Variants in FBXO28 observed in about 807,000 individuals in gnomAD.
FBXO28 encodes the protein F-box only protein 28.
FBXO28 carries 8 observed loss-of-function variants against 38.1 expected under a neutral mutation model. The ratio of observed to expected loss-of-function variants is 0.21; its 90% CI spans 0.12 to 0.38. The LOEUF is 0.38. Among genes scored for constraint, FBXO28 ranks in the 10% least tolerant of loss-of-function variants. The pLI, the probability that FBXO28 is intolerant of heterozygous loss-of-function variation, is 1.00. For synonymous variants in FBXO28, 168 were observed against 173.8 expected (o/e 0.97, Z 0.26); for missense variants, 345 against 460.6 (o/e 0.75, Z 2.30).
At chr1:224,134,504 T>C (rs1657130059) in intron 3 of FBXO28, 1 of 234,866 alleles carries the variant, frequency 4.3e-6, no homozygotes, top group East Asian at 1.1e-4. Flanking sequence ...ATGCCAGAGA[T>C]ACAGCAATGA....
In FBXO28 at chr1:224,120,701, G is replaced by A. The variant is rs954792621; in HGVS notation, c.267+6305G>A. Among the ~76,000 whole-genome samples the A allele has an allele frequency of 2.6e-5, 4 of 151,904 alleles. No individual in the cohort carries two copies. In the South Asian group the frequency reaches 8.3e-4, roughly 32 times the overall value. On this transcript the variant is annotated intron_variant, in intron 1 of 4. Transcript: ENST00000366862. ...AACATGGTGAAACCCCGTCTATACC[G>A]AAAATACAAAAATTAGCTGGGCATG...
intron 1 of FBXO28, among the ~76,000 whole-genome samples, chr1:224,129,590 A>T (rs1301936874): frequency 6.6e-6 from 1 of 152,228 alleles, no homozygotes. Context: ...ATAGTCTGTG[A>T]CCATAATAAT....
rs538712279 is a variant in FBXO28, at chr1:224,116,392, A to T, written c.267+1996A>T. Among the ~76,000 whole-genome samples the T allele has an allele frequency of 1.3e-4, 20 of 152,280 alleles. 1 individual carries two copies. The highest frequency in any genetic ancestry group is 1.2e-3 in the South Asian group (6 of 4,828). ...AAGAGAGTACCTAGGTGAGCTGTAC[A>T]TGCCTTCTTAAGTAGCCATTTATAC... On this transcript the variant is annotated intron_variant, in intron 1 of 4. Coordinates refer to ENST00000366862, the MANE Select transcript of FBXO28 (RefSeq NM_015176.4).
chr1:224,139,963 C>T (rs1243116178), intron 3 of FBXO28, among the ~76,000 whole-genome samples: 1 of 152,100 alleles, frequency 6.6e-6, no homozygotes, highest in African/African-American at 2.4e-5. Context: ...TGGTGGCATG[C>T]ACCTGTAGCC....
chr1:224,133,358 A>G (rs903411942), intron 2 of FBXO28, among the ~76,000 whole-genome samples: 15 of 152,162 alleles, frequency 9.9e-5, no homozygotes, highest in African/African-American at 3.6e-4. Context: ...TAATTTTATT[A>G]TGTCTGAGTT....
intron 1 of FBXO28, among the ~76,000 whole-genome samples, chr1:224,127,923 T>C (rs1656943871): frequency 6.6e-6 from 1 of 152,130 alleles, no homozygotes; most frequent in Non-Finnish European, 1.5e-5. Context: ...CAAACAAACA[T>C]TATTTATTAG....
At chr1:224,114,471 C>A in intron 1 of FBXO28, 75 bp downstream of exon 1, 1 of 1,298,704 alleles carries the variant, frequency 7.7e-7, no homozygotes, top group East Asian at 2.7e-5. Context: ...AGCGCGTTCC[C>A]CGGGAAGGGA....
At chr1:224,134,476 G>T in intron 3 of FBXO28, 1 of 259,226 alleles carries the variant, frequency 3.9e-6, no homozygotes, top group Non-Finnish European at 7.3e-6. Flanking sequence ...AAAATTTGAG[G>T]TTTTACTGGT....
At chr1:224,147,180 T>A (rs1180729438) in intron 3 of FBXO28, among the ~76,000 whole-genome samples, 1 of 151,642 alleles carries the variant, frequency 6.6e-6, no homozygotes, top group Non-Finnish European at 1.5e-5. Context: ...ATCCCAGCAC[T>A]TTGGCAGGCC....
chr1:224,156,111 T>C (rs1344558230), intron 4 of FBXO28, among the ~76,000 whole-genome samples: 1 of 152,192 alleles, frequency 6.6e-6, no homozygotes, highest in East Asian at 1.9e-4. Flanking sequence ...AATACAGTTA[T>C]TTAGATGTGC....
chr1:224,143,218 C>CAA (rs1161345004), intron 3 of FBXO28, among the ~76,000 whole-genome samples: 9 of 63,336 alleles, frequency 1.4e-4, no homozygotes, highest in East Asian at 9.9e-4. Context: ...GACTCTGTCT[C>CAA]AAAAAAAAAA....
chr1:224,151,069 A>T (rs1657630743), intron 3 of FBXO28, among the ~76,000 whole-genome samples: 2 of 152,176 alleles, frequency 1.3e-5, no homozygotes, highest in Non-Finnish European at 2.9e-5. Flanking sequence ...CTAACATAGT[A>T]GTTCAGTAAG....
intron 1 of FBXO28, among the ~76,000 whole-genome samples, chr1:224,117,018 C>T (rs754961562): frequency 1.3e-4 from 19 of 151,878 alleles, no homozygotes; most frequent in South Asian, 4.2e-4. Context: ...TATAAAAATA[C>T]AAAAATTAGC....
intron 1 of FBXO28, among the ~76,000 whole-genome samples, chr1:224,125,215 A>G (rs767312947): frequency 7.2e-5 from 11 of 151,988 alleles, no homozygotes; most frequent in East Asian, 1.9e-4. Flanking sequence ...CCTGGGCCCA[A>G]GTGATCCTCC....
At position 224,158,826 on chromosome 1, in the gene FBXO28, A is replaced by G. The variant is rs1657830356; in HGVS notation, c.*1080A>G. The stretch of plus-strand genomic sequence containing the variant: ...ATTGCAGCAAAGTTCATTGAGGAAA[A>G]TTGTACCATGAAAAAGCATTTTGAT... On this transcript the variant is annotated 3_prime_UTR_variant, in exon 5 of 5. Coordinates refer to ENST00000366862, the MANE Select transcript of FBXO28 (RefSeq NM_015176.4). 1 of 152,626 alleles carries G rather than the reference A, an allele frequency of 6.6e-6. No homozygotes were observed. Among genetic ancestry groups the G allele is most frequent in the Non-Finnish European group, 1.5e-5 (1 of 68,040 alleles). 9.5% of individuals were successfully genotyped at this position (152,626 alleles called of 1,614,324 possible).
chr1:224,155,278 G>T (rs183012955), intron 4 of FBXO28, among the ~76,000 whole-genome samples: 1,661 of 152,026 alleles, frequency 0.011, 16 homozygotes, highest in Non-Finnish European at 0.016. Context: ...CAATTCTCCC[G>T]CCTCAGCCTC....
chr1:224,155,726 TA>T (rs1293316186), intron 4 of FBXO28, among the ~76,000 whole-genome samples: 1 of 152,210 alleles, frequency 6.6e-6, no homozygotes, highest in Non-Finnish European at 1.5e-5. Flanking sequence ...AATTGAGTAA[TA>T]AAGCCTACAC....
chr1:224,148,995 T>C (rs925801671), intron 3 of FBXO28, among the ~76,000 whole-genome samples: 2 of 152,218 alleles, frequency 1.3e-5, no homozygotes, highest in African/African-American at 4.8e-5. Context: ...GGGTCTTTCA[T>C]GGAGTCATGT....
Position 224,161,105 on chromosome 1 carries a change from G to A in FBXO28, c.*3359G>A, listed in dbSNP as rs1657897711. 1 of 152,234 alleles carries A rather than the reference G, an allele frequency of 6.6e-6. No individual in the cohort carries two copies. Among genetic ancestry groups the A allele is most frequent in the Admixed American group, 6.5e-5 (1 of 15,284 alleles). 9.4% of individuals were successfully genotyped at this position (152,234 alleles called of 1,614,324 possible). ...TTAATAAACTTTTTCCTGAGACAGGGCACTTAATTCTATTTTACTATACTG... is the reference window on the plus strand; with the variant it reads ...TTAATAAACTTTTTCCTGAGACAGGACACTTAATTCTATTTTACTATACTG... On this transcript the variant is annotated 3_prime_UTR_variant, in exon 5 of 5. Transcript: ENST00000366862.
Sources: allele counts gnomAD v4.1 joint callset (sites outside exome capture counted in the v4.1 genomes callset), GRCh38; gene constraint gnomAD v4.1.1; transcripts MANE v1.5; gene names NCBI Gene and HGNC (gene_info 2026-07-23, HGNC 2026-07-21).